Variants in EVC2 observed in about 807,000 individuals in gnomAD.
The protein encoded by EVC2 is EvC ciliary complex subunit 2.
Under a neutral mutation model 149.3 loss-of-function variants are expected in EVC2, and 148 were observed. That is an observed-to-expected ratio of 0.99 (90% confidence interval 0.87 to 1.14). The LOEUF is 1.14. Ranked by LOEUF, EVC2 falls within the 50% of genes most tolerant of loss-of-function variation. The pLI, the probability that EVC2 is intolerant of heterozygous loss-of-function variation, is 0.00. For missense variants in EVC2, 1,854 were observed against 1,627.3 expected (o/e 1.14, Z -2.40); for synonymous variants, 776 against 649.9 (o/e 1.19, Z -2.95).
chr4:5,574,744 C>T lies in EVC2; in HGVS notation c.3301G>A (p.Val1101Met), dbSNP rs141058692. 209 of 1,614,058 alleles carry T rather than the reference C, an allele frequency of 1.3e-4. No individual in the cohort carries two copies. The highest frequency in any genetic ancestry group is 1.7e-4 in the Non-Finnish European group (203 of 1,180,034). The change falls in exon 19 of 22, where the codon GTG becomes ATG. Residue 1101 changes from valine (V) to methionine (M), a missense_variant. Physicochemically the swap from Val to Met is conservative, Grantham distance 21. Transcript: ENST00000344408. ...CLREEQQNSV[V>M]LEDLLENMEA... ...ATGTTTTCCAACAAGTCTTCTAGCACGACACTGTTCTGTTGTTCCTCTCTC... is the reference window on the plus strand; with the variant it reads ...ATGTTTTCCAACAAGTCTTCTAGCATGACACTGTTCTGTTGTTCCTCTCTC...
rs1715418626 is a variant in EVC2, at chr4:5,618,290, ATAGACTT to A, written c.2706+181_2706+187del. Among the ~76,000 whole-genome samples the A allele has an allele frequency of 6.6e-6, 1 of 152,290 alleles. No homozygotes were observed. Among genetic ancestry groups the A allele is most frequent in the East Asian group, 1.9e-4 (1 of 5,172 alleles). Reference sequence around the variant, plus strand: ...GGGCACAGCACCAGCAGTGTCCACTATAGACTTTAAAGTTGGGACAGCCCTGGAGATT... The same window carrying A: ...GGGCACAGCACCAGCAGTGTCCACTATAAAGTTGGGACAGCCCTGGAGATT... On this transcript the variant is annotated intron_variant, in intron 15 of 21. Coordinates refer to ENST00000344408, the MANE Select transcript of EVC2 (RefSeq NM_147127.5). This position sits in a 1 kb window ranked among gnomAD's most constrained non-coding sequence, Gnocchi z 4.4.
intron 19 of EVC2, among the ~76,000 whole-genome samples, chr4:5,571,122 T>C (rs569699967): frequency 6.6e-6 from 1 of 151,796 alleles, no homozygotes; most frequent in African/African-American, 2.4e-5. Context: ...TTGAGACCAG[T>C]CTGGCCAACG....
At chr4:5,543,744 G>A (rs1043772211) in intron 21 of EVC2, among the ~76,000 whole-genome samples, 8 of 152,110 alleles carry the variant, frequency 5.3e-5, no homozygotes, top group East Asian at 1.9e-4. Flanking sequence ...CAGGGGAACC[G>A]GAGAGGGAAA....
chr4:5,618,621 C>A lies in EVC2; in HGVS notation c.2563G>T (p.Val855Phe). ...EEELLRMRQE[V>F]HGCFAQMDRS... Reference sequence around the variant, plus strand: ...TCCATCTGAGCAAAGCAGCCATGGACCTCCTGCCTCATCCTGAGCAGCTCC... The same window carrying A: ...TCCATCTGAGCAAAGCAGCCATGGAACTCCTGCCTCATCCTGAGCAGCTCC... Residue 855 changes from valine (V) to phenylalanine (F), a missense_variant, in exon 15 of 22, where the codon GTC becomes TTC. By Grantham distance (50) the Val-to-Phe change is conservative (BLOSUM62 -1). Transcript: ENST00000344408. This position sits in a 1 kb window ranked among gnomAD's most constrained non-coding sequence, Gnocchi z 4.4. 6.2e-7 allele frequency: 1 copy of A among 1,613,138 alleles called. No individual in the cohort carries two copies. Among genetic ancestry groups the A allele is most frequent in the Non-Finnish European group, 8.5e-7 (1 of 1,179,642 alleles).
intron 9 of EVC2, among the ~76,000 whole-genome samples, chr4:5,655,730 TAA>T (rs60423052): frequency 0.064 from 4,303 of 67,622 alleles, 201 homozygotes; most frequent in African/African-American, 0.19. Context: ...AATCCACATG[TAA>T]AAAAAAAAAA....
At chr4:5,588,756 T>G (rs1168222285) in intron 16 of EVC2, among the ~76,000 whole-genome samples, 2 of 152,232 alleles carry the variant, frequency 1.3e-5, no homozygotes, top group Non-Finnish European at 2.9e-5. Context: ...GATATATCTT[T>G]TTACATCTTC....
the EVC2 span, among the ~76,000 whole-genome samples, chr4:5,533,058 A>G: frequency 6.6e-6 from 1 of 151,038 alleles, no homozygotes; most frequent in East Asian, 1.9e-4. Context: ...TATCACGGAC[A>G]AAACAGAAAT....
intron 9 of EVC2, among the ~76,000 whole-genome samples, chr4:5,659,906 T>C (rs529176126): frequency 2.6e-5 from 4 of 152,372 alleles, no homozygotes; most frequent in South Asian, 2.1e-4. Context: ...CGGGTGCTGA[T>C]TGCATGATCC....
chr4:5,568,245 C>A (rs530924011), intron 20 of EVC2, among the ~76,000 whole-genome samples, 199 bp downstream of exon 20: 3 of 150,538 alleles, frequency 2.0e-5, no homozygotes, highest in East Asian at 3.9e-4. Flanking sequence ...TTTTTTTTTA[C>A]GTTTTCTTTA....
rs533013687 is a variant in EVC2 at position 5,573,264 on chromosome 4, T to C, written c.3360+1421A>G. On this transcript the variant is annotated intron_variant, in intron 19 of 21. Coordinates refer to ENST00000344408, the MANE Select transcript of EVC2 (RefSeq NM_147127.5). ...CAAGTGGGAGTAAGGTCAGGGGCCT[T>C]GAGATAGGGTGGGAAAGTGGTTATC... is the stretch of plus-strand genomic sequence containing the variant. Among the ~76,000 whole-genome samples, 3 of 152,096 alleles carry C rather than the reference T, an allele frequency of 2.0e-5. 1 individual carries two copies. Among genetic ancestry groups the C allele is most frequent in the African/African-American group, 7.2e-5 (3 of 41,514 alleles).
Position 5,569,191 on chromosome 4 carries a change from G to A in EVC2, c.3361-551C>T, listed in dbSNP as rs777803057. 1.3e-5 allele frequency among the ~76,000 whole-genome samples: 2 copies of A among 152,206 alleles called. No individual in the cohort carries two copies. Among genetic ancestry groups the A allele is most frequent in the African/African-American group, 2.4e-5 (1 of 41,454 alleles). ...ATTCCATGCATGTAACCACCTGGGC[G>A]TGATGAGACTTGGAACTGGAGAGCG... On this transcript the variant is annotated intron_variant, in intron 19 of 21. Coordinates refer to ENST00000344408, the MANE Select transcript of EVC2 (RefSeq NM_147127.5). The surrounding 1 kb of genome is among the most constrained non-coding windows in gnomAD (Gnocchi z 4.8).
the EVC2 span, among the ~76,000 whole-genome samples, chr4:5,530,528 T>C: frequency 6.6e-6 from 1 of 151,736 alleles, no homozygotes; most frequent in Admixed American, 6.6e-5. Context: ...TTACCGCGTG[T>C]GTGTGTGTGT....
chr4:5,607,971 CAA>C (rs922464359), intron 16 of EVC2, among the ~76,000 whole-genome samples: 8 of 151,812 alleles, frequency 5.3e-5, no homozygotes, highest in African/African-American at 1.7e-4. Context: ...GGGAAGAACA[CAA>C]AGAGTCATCT....
At chr4:5,652,333 C>A (rs1718204748) in intron 9 of EVC2, among the ~76,000 whole-genome samples, 1 of 147,952 alleles carries the variant, frequency 6.8e-6, no homozygotes, top group Admixed American at 6.6e-5. Context: ...GTAGTAAACA[C>A]CATGTTTACC....
chr4:5,646,998 G>C (rs1169594355), intron 9 of EVC2, among the ~76,000 whole-genome samples: 1 of 152,220 alleles, frequency 6.6e-6, no homozygotes, highest in Non-Finnish European at 1.5e-5. Context: ...ATGTCTGTGA[G>C]TTGTTACAAG....
chr4:5,577,437 T>C (rs1296846879), intron 17 of EVC2, among the ~76,000 whole-genome samples: 1 of 152,082 alleles, frequency 6.6e-6, no homozygotes. Context: ...ATTTACCAGA[T>C]TGGTCAGTAC....
chr4:5,621,091 CTT>C (rs1201810950), intron 14 of EVC2, among the ~76,000 whole-genome samples: 28 of 152,172 alleles, frequency 1.8e-4, no homozygotes, highest in African/African-American at 6.8e-4. Flanking sequence ...CCAAAGGTCA[CTT>C]AACGCAAACC....
chr4:5,639,646 G>A (rs1717168107), intron 10 of EVC2, among the ~76,000 whole-genome samples: 1 of 152,208 alleles, frequency 6.6e-6, no homozygotes, highest in Non-Finnish European at 1.5e-5. Flanking sequence ...TGTGAGTTCA[G>A]GTTTTTCTGA....
chr4:5,576,364 A>G lies in EVC2; in HGVS notation c.3148T>C (p.Trp1050Arg), dbSNP rs937321683. ...AGAATCCCGGGCCCATCGGCCACCC[A>G]CTGCTGCCAGCTCGCCAGGGCCTGC... Reference protein sequence around the residue: ...QQQALASWQQWVADGPGILNE... With the variant: ...QQQALASWQQRVADGPGILNE... Residue 1050 changes from tryptophan to arginine, a missense_variant, in exon 18 of 22, where the codon TGG becomes CGG. Trp to Arg is a moderately radical substitution (Grantham distance 101). Coordinates refer to ENST00000344408, the MANE Select transcript of EVC2 (RefSeq NM_147127.5). The surrounding 1 kb of genome is among the most constrained non-coding windows in gnomAD (Gnocchi z 4.5). The G allele has an allele frequency of 3.7e-6, 6 of 1,614,010 alleles. No individual in the cohort carries two copies. In the African/African-American group the frequency reaches 8.0e-5, roughly 22 times the overall value.
Sources: gnomAD v4.1 joint callset for allele counts (sites outside exome capture counted in the v4.1 genomes callset) on GRCh38, gnomAD v4.1.1 for gene constraint, Gnocchi (gnomAD v3.1) non-coding constraint, MANE v1.5 for transcripts, NCBI Gene and HGNC (gene_info 2026-07-23, HGNC 2026-07-21) for gene names.